Variants in CFAP47 observed in about 807,000 individuals in gnomAD.
The protein encoded by CFAP47 is cilia and flagella associated protein 47, also known as cilia- and flagella-associated protein 47.
In CFAP47, 29 loss-of-function variants were observed where a neutral mutation model predicts 148.1. That is an observed-to-expected ratio of 0.20 (90% CI 0.15 to 0.27). The LOEUF (loss-of-function observed/expected upper bound fraction) is 0.27. Among genes scored for constraint, CFAP47 ranks in the 10% least tolerant of loss-of-function variants. The pLI, the probability that CFAP47 is intolerant of heterozygous loss-of-function variation, is 1.00. For missense variants in CFAP47, 1,872 were observed against 1,697.5 expected (o/e 1.10, Z -1.81); for synonymous variants, 664 against 577.3 (o/e 1.15, Z -2.15).
chrX:36,229,600 T>C (rs1940314238), intron 46 of CFAP47, among the ~76,000 whole-genome samples: 1 of 111,276 alleles, frequency 9.0e-6, no homozygotes, highest in African/African-American at 3.3e-5. Flanking sequence ...TTTTGATATT[T>C]ATTCTTTTTT....
chrX:36,372,210 T>A (rs72618301), intron 62 of CFAP47, among the ~76,000 whole-genome samples: 1 of 92,987 alleles, frequency 1.1e-5, no homozygotes, highest in South Asian at 5.6e-4. Flanking sequence ...TTAAAAAAAA[T>A]GATGGCATAT....
intron 30 of CFAP47, among the ~76,000 whole-genome samples, chrX:36,094,908 G>C (rs1300416912): frequency 9.0e-6 from 1 of 110,758 alleles, no homozygotes; most frequent in Non-Finnish European, 1.9e-5. Context: ...TTCCTGTACT[G>C]TGTTCAATGA....
intron 33 of CFAP47, among the ~76,000 whole-genome samples, chrX:36,130,134 A>G (rs952176609): frequency 2.7e-5 from 3 of 111,265 alleles, no homozygotes; most frequent in Non-Finnish European, 5.7e-5. Context: ...TAAAGAGACA[A>G]CCCACAGAAA....
At chrX:36,150,545 A>G (rs1407050527) in intron 37 of CFAP47, among the ~76,000 whole-genome samples, 1 of 112,065 alleles carries the variant, frequency 8.9e-6, no homozygotes, top group Non-Finnish European at 1.9e-5. Flanking sequence ...TTTGGATTTT[A>G]ACTATACATT....
At chrX:36,126,128 T>G (rs1214299293) in intron 33 of CFAP47, among the ~76,000 whole-genome samples, 1 of 109,523 alleles carries the variant, frequency 9.1e-6, no homozygotes, top group Non-Finnish European at 1.9e-5. Flanking sequence ...GGGGTACATG[T>G]GCAGAACGTG....
At chrX:36,354,335 G>T (rs1941767836) in intron 60 of CFAP47, among the ~76,000 whole-genome samples, 1 of 108,927 alleles carries the variant, frequency 9.2e-6, no homozygotes, top group African/African-American at 3.3e-5. Flanking sequence ...TAAAAAATTA[G>T]CCAGGTGTGG....
At chrX:36,119,086 T>G (rs1167630499) in intron 33 of CFAP47, among the ~76,000 whole-genome samples, 3 of 112,004 alleles carry the variant, frequency 2.7e-5, no homozygotes, top group Non-Finnish European at 5.6e-5. Context: ...CTGATTACCC[T>G]AGCTAGGATT....
At position 36,230,483 on chromosome X, in the gene CFAP47, T is replaced by G. The variant is rs1368081641; in HGVS notation, c.7014+1659T>G. On this transcript the variant is annotated intron_variant, in intron 46 of 63. Coordinates refer to ENST00000378653, the MANE Select transcript of CFAP47 (RefSeq NM_001304548.2). ...TTTGTTTTTTTCTTGTAAATTTGTT[T>G]GAGTTCATTGTAGAATCTGGATATT... is the stretch of plus-strand genomic sequence containing the variant. Among the ~76,000 whole-genome samples, 39 of 105,122 alleles carry G rather than the reference T, an allele frequency of 3.7e-4. No individual in the cohort carries two copies. In the South Asian group the frequency reaches 3.8e-3, roughly 10 times the overall value. 91.3% of individuals were successfully genotyped at this position (105,122 alleles called of 115,157 possible).
At chrX:36,260,360 CCTTTT>C (rs1940803004) in intron 49 of CFAP47, among the ~76,000 whole-genome samples, 1 of 111,804 alleles carries the variant, frequency 8.9e-6, no homozygotes, top group Non-Finnish European at 1.9e-5. Context: ...GTAAGTGTTC[CCTTTT>C]CTTCACAACC....
rs1321072344 is a variant in CFAP47, at chrX:35,970,766, A to G, written c.1815-2A>G. 8.6e-7 allele frequency: 1 copy of G among 1,161,728 alleles called. No individual in the cohort carries two copies. The highest frequency in any genetic ancestry group is 1.1e-6 in the Non-Finnish European group (1 of 871,371). On this transcript the variant is annotated splice_acceptor_variant, in intron 10 of 63. Transcript: ENST00000378653. LOFTEE classifies it high-confidence loss of function. ...TATTAACATGACTTGCTTATATTGC[A>G]GGCCAATTTTCACAAAAGTTCCAAG...
chrX:36,228,641 T>C lies in CFAP47; in HGVS notation c.6831T>C (p.Ser2277=), dbSNP rs1339269628. The C allele has an allele frequency of 7.6e-6, 4 of 523,196 alleles. No individual in the cohort carries two copies. Among genetic ancestry groups the C allele is most frequent in the Non-Finnish European group, 1.4e-5 (4 of 285,902 alleles). 43.1% of individuals were successfully genotyped at this position (523,196 alleles called of 1,213,427 possible). The change falls in exon 46 of 64, where the codon TCT becomes TCC. Residue 2277 remains serine, a synonymous_variant. Coordinates refer to ENST00000378653, the MANE Select transcript of CFAP47 (RefSeq NM_001304548.2). ...TTATTTTGATAGCTTCAGATGGATC[T>C]GTTCCACTTCCTTTGCAATTTCTTC... The part of the protein sequence containing the change: ...KLSKAKASDG[S]VPLPLQFLPL...
intron 45 of CFAP47, among the ~76,000 whole-genome samples, chrX:36,216,004 G>A (rs1940156059): frequency 9.0e-6 from 1 of 111,592 alleles, no homozygotes; most frequent in Admixed American, 9.5e-5. Flanking sequence ...TTGACTCAGA[G>A]CTTCTGTTGT....
intron 37 of CFAP47, among the ~76,000 whole-genome samples, chrX:36,149,617 A>ATTTTT (rs5902125): frequency 3.1e-5 from 3 of 96,543 alleles, no homozygotes; most frequent in Admixed American, 1.1e-4. Context: ...TATTTATTTT[A>ATTTTT]TTTTTTTTTG....
intron 23 of CFAP47, among the ~76,000 whole-genome samples, chrX:36,032,977 G>A (rs1937297899): frequency 9.0e-6 from 1 of 111,279 alleles, no homozygotes; most frequent in African/African-American, 3.3e-5. Context: ...ACCAACTGAG[G>A]AATGCAGCTG....
chrX:36,308,112 A>G, intron 55 of CFAP47, among the ~76,000 whole-genome samples: 1 of 111,698 alleles, frequency 9.0e-6, no homozygotes, highest in Non-Finnish European at 1.9e-5. Flanking sequence ...GGGCAGTCTT[A>G]GAACTCAGCA....
At chrX:36,042,176 C>T (rs1213671629) in intron 25 of CFAP47, among the ~76,000 whole-genome samples, 2 of 111,231 alleles carry the variant, frequency 1.8e-5, no homozygotes, top group East Asian at 5.6e-4. Flanking sequence ...AGGTTCCTAT[C>T]ATAAGCCTAG....
intron 3 of CFAP47, 48 bp from the exon 4 acceptor site, chrX:35,948,266 A>G: frequency 9.0e-7 from 1 of 1,116,819 alleles, no homozygotes; most frequent in Non-Finnish European, 1.2e-6. Flanking sequence ...GTGTACATGC[A>G]ACATTGTAAG....
chrX:36,183,829 A>G (rs986386390), intron 40 of CFAP47, among the ~76,000 whole-genome samples: 47 of 111,791 alleles, frequency 4.2e-4, no homozygotes, highest in African/African-American at 1.5e-3. Context: ...TAGACAACTG[A>G]TTTTAGCCAA....
intron 26 of CFAP47, among the ~76,000 whole-genome samples, chrX:36,051,382 CT>C (rs778558471): frequency 1.1e-4 from 12 of 112,135 alleles, no homozygotes; most frequent in Middle Eastern, 4.6e-3. Context: ...AGGGGTGGAG[CT>C]GCTCAAGACC....
Sources: allele counts gnomAD v4.1 joint callset (sites outside exome capture counted in the v4.1 genomes callset), GRCh38; gene constraint gnomAD v4.1.1; transcripts MANE v1.5; gene names NCBI Gene and HGNC (gene_info 2026-07-23, HGNC 2026-07-21).